Variants in PTPN3 observed in about 807,000 individuals in gnomAD.
PTPN3 encodes tyrosine-protein phosphatase non-receptor type 3.
PTPN3 carries 96 observed loss-of-function variants against 132.7 expected under a neutral mutation model. The ratio of observed to expected loss-of-function variants is 0.72; its 90% confidence interval spans 0.61 to 0.86. The LOEUF is 0.86. Among genes scored for constraint, PTPN3 ranks in the 40% least tolerant of loss-of-function variants. PTPN3 has a pLI of 0.00. For missense variants in PTPN3, 1,125 were observed against 1,159.6 expected (o/e 0.97, Z 0.43); for synonymous variants, 398 against 429.0 (o/e 0.93, Z 0.89).
chr9:109,410,009 A>C lies in PTPN3; in HGVS notation c.1568T>G (p.Phe523Cys). Reference sequence around the variant, plus strand: ...AAATACACAACATACCTTAAGATTAAATCCAAATTTTCCATCTTCATCTGG... The same window carrying C: ...AAATACACAACATACCTTAAGATTACATCCAAATTTTCCATCTTCATCTGG... ...ITPDEDGKFG[F>C]NLKGGVDQKM... The change falls in exon 16 of 26, where the codon TTT (phenylalanine) becomes TGT (cysteine). Residue 523 changes from phenylalanine (F) to cysteine (C), a missense_variant. Phe to Cys is a radical substitution (Grantham distance 205). Coordinates refer to ENST00000374541, the MANE Select transcript of PTPN3 (RefSeq NM_002829.4). 1 of 1,614,202 alleles carries C rather than the reference A, an allele frequency of 6.2e-7. No individual in the cohort carries two copies. The highest frequency in any genetic ancestry group is 8.5e-7 in the Non-Finnish European group (1 of 1,180,040).
chr9:109,515,355 T>A, the PTPN3 span, among the ~76,000 whole-genome samples: 134 of 152,294 alleles, frequency 8.8e-4, no homozygotes, highest in African/African-American at 3.1e-3. Context: ...CTCCATGAGA[T>A]CTACCTGCTG....
At chr9:109,384,707 A>T (rs889500928) in intron 22 of PTPN3, among the ~76,000 whole-genome samples, 1 of 152,274 alleles carries the variant, frequency 6.6e-6, no homozygotes, top group Non-Finnish European at 1.5e-5. Context: ...ATGTGGTTAT[A>T]GCAACTTAAG....
chr9:109,515,046 A>G, the PTPN3 span, among the ~76,000 whole-genome samples: 7 of 151,468 alleles, frequency 4.6e-5, no homozygotes, highest in African/African-American at 1.7e-4. Context: ...TTTTTGACAG[A>G]GTCTCACTCT....
chr9:109,527,945 C>CA, the PTPN3 span, among the ~76,000 whole-genome samples: 1 of 151,922 alleles, frequency 6.6e-6, no homozygotes, highest in African/African-American at 2.4e-5. Context: ...AAAAAATAGG[C>CA]AAAAAACTGT....
chr9:109,501,666 TTA>T (rs1800154368), upstream of PTPN3, among the ~76,000 whole-genome samples: 1 of 152,232 alleles, frequency 6.6e-6, no homozygotes, highest in African/African-American at 2.4e-5. Flanking sequence ...CATAATCTTC[TTA>T]GGCTATTGTT....
chr9:109,408,865 T>TTATATATATATA (rs71372566), intron 16 of PTPN3, among the ~76,000 whole-genome samples: 1 of 133,566 alleles, frequency 7.5e-6, no homozygotes, highest in Admixed American at 8.0e-5. Flanking sequence ...TATATGGGCT[T>TTATATATATATA]TATATATATA....
intron 1 of PTPN3, among the ~76,000 whole-genome samples, chr9:109,473,364 T>C (rs554811567): frequency 4.6e-5 from 7 of 152,350 alleles, no homozygotes; most frequent in South Asian, 2.1e-4. Flanking sequence ...CTTCTTTTCA[T>C]ACGACTTCAA....
At chr9:109,526,625 C>A in the PTPN3 span, among the ~76,000 whole-genome samples, 2 of 152,012 alleles carry the variant, frequency 1.3e-5, no homozygotes, top group African/African-American at 2.4e-5. Context: ...CAGTGGGCTG[C>A]GTTCATGCCA....
Position 109,457,381 on chromosome 9 carries a change from C to G in PTPN3, c.157G>C (p.Val53Leu). The G allele has an allele frequency of 6.2e-7, 1 of 1,613,372 alleles. No homozygotes were observed. The highest frequency in any genetic ancestry group is 8.5e-7 in the Non-Finnish European group (1 of 1,179,862). Residue 53 changes from valine (V) to leucine (L), a missense_variant, in exon 3 of 26, where the codon GTT (valine) becomes CTT (leucine). Physicochemically the swap from Val to Leu is conservative, Grantham distance 32. Coordinates refer to ENST00000374541, the MANE Select transcript of PTPN3 (RefSeq NM_002829.4). The part of the protein sequence containing the change: ...FKVTKQDTGQ[V>L]LLDMVHNHLG... The stretch of plus-strand genomic sequence containing the variant: ...TGGTTGTGCACCATATCCAGAAGAA[C>G]CTGGCCAGTGTCTTGTTTCTAGAAC...
intron 6 of PTPN3, among the ~76,000 whole-genome samples, chr9:109,446,425 T>C (rs1844864881): frequency 6.6e-6 from 1 of 152,138 alleles, no homozygotes; most frequent in Non-Finnish European, 1.5e-5. Flanking sequence ...GGGGCCCCCA[T>C]TGTTCCTCAA....
intron 13 of PTPN3, among the ~76,000 whole-genome samples, chr9:109,422,172 G>A (rs570449760): frequency 3.9e-5 from 6 of 152,264 alleles, no homozygotes; most frequent in Admixed American, 3.9e-4. Context: ...AGGTCTTTCT[G>A]CTACAAACCC....
intron 7 of PTPN3, among the ~76,000 whole-genome samples, chr9:109,439,631 G>A (rs1009039184): frequency 1.3e-5 from 2 of 152,224 alleles, no homozygotes; most frequent in Admixed American, 1.3e-4. Flanking sequence ...CAATGCAGCC[G>A]GGCATGGTAG....
At chr9:109,453,937 C>T (rs1845421432) in intron 5 of PTPN3, among the ~76,000 whole-genome samples, 2 of 151,948 alleles carry the variant, frequency 1.3e-5, no homozygotes, top group African/African-American at 4.8e-5. Flanking sequence ...ATCGCTTGAA[C>T]CTGGGAGGCG....
At chr9:109,490,033 A>T (rs1847385684) in intron 1 of PTPN3, among the ~76,000 whole-genome samples, 1 of 151,872 alleles carries the variant, frequency 6.6e-6, no homozygotes, top group Non-Finnish European at 1.5e-5. Flanking sequence ...AATACAAAAA[A>T]TTAGCTGGGC....
In PTPN3 at chr9:109,478,393, T is replaced by C. The variant is rs180811017; in HGVS notation, c.-17-14942A>G. On this transcript the variant is annotated intron_variant, in intron 1 of 25. Coordinates refer to ENST00000374541, the MANE Select transcript of PTPN3 (RefSeq NM_002829.4). ...GACCCCTTCTGTTATGACTCTACGATATTCCACCACGTGGGTGTACATAAC... is the reference window on the plus strand; with the variant it reads ...GACCCCTTCTGTTATGACTCTACGACATTCCACCACGTGGGTGTACATAAC... Among the ~76,000 whole-genome samples the C allele has an allele frequency of 1.3e-3, 203 of 152,338 alleles. 2 individuals carry two copies. The highest frequency in any genetic ancestry group is 4.6e-3 in the African/African-American group (192 of 41,572).
In PTPN3 at chr9:109,382,411, C is replaced by A. The variant is rs750732370; in HGVS notation, c.2419G>T (p.Val807Phe). Residue 807 changes from valine (V) to phenylalanine (F), a missense_variant, in exon 24 of 26, where the codon GTC (valine) becomes TTC (phenylalanine). Coordinates refer to ENST00000374541, the MANE Select transcript of PTPN3 (RefSeq NM_002829.4). Reference sequence around the variant, plus strand: ...GGCACACCGTGGTCAGGCCATGCGACGTACTGGAGATGTGTCACTGTGTGT... The same window carrying A: ...GGCACACCGTGGTCAGGCCATGCGAAGTACTGGAGATGTGTCACTGTGTGT... ...EEHTVTHLQY[V>F]AWPDHGVPDD... 1 of 1,614,222 alleles carries A rather than the reference C, an allele frequency of 6.2e-7. No homozygotes were observed. The highest frequency in any genetic ancestry group is 1.1e-5 in the South Asian group (1 of 91,084).
intron 5 of PTPN3, 105 bp downstream of exon 5, chr9:109,454,391 C>A: frequency 1.1e-6 from 1 of 947,854 alleles, no homozygotes; most frequent in Non-Finnish European, 1.7e-6. Context: ...GGTGTAGTTA[C>A]ACCCAAATGA....
chr9:109,496,707 G>A (rs1847683421), intron 1 of PTPN3, among the ~76,000 whole-genome samples: 1 of 152,184 alleles, frequency 6.6e-6, no homozygotes, highest in South Asian at 2.1e-4. Context: ...TGGTTCTAAA[G>A]GGGTGCTGGG....
At chr9:109,526,428 T>A in the PTPN3 span, among the ~76,000 whole-genome samples, 8 of 151,984 alleles carry the variant, frequency 5.3e-5, no homozygotes, top group Admixed American at 5.3e-4. Context: ...ATCCCAACAC[T>A]TTGTGGGGCT....
Sources: allele counts gnomAD v4.1 joint callset (sites outside exome capture counted in the v4.1 genomes callset), GRCh38; gene constraint gnomAD v4.1.1; transcripts MANE v1.5; gene names NCBI Gene and HGNC (gene_info 2026-07-23, HGNC 2026-07-21).